Variants in BICC1 observed in about 807,000 individuals in gnomAD.
BICC1 encodes protein bicaudal C homolog 1.
In BICC1, 43 loss-of-function variants were observed where a neutral mutation model predicts 111.0. The ratio of observed to expected loss-of-function variants is 0.39; its 90% CI spans 0.30 to 0.50. The LOEUF (loss-of-function observed/expected upper bound fraction) is 0.50. Among genes scored for constraint, BICC1 ranks in the 20% least tolerant of loss-of-function variants. BICC1 has a pLI of 0.88. For missense variants in BICC1, 1,091 were observed against 1,203.2 expected, an observed-to-expected ratio of 0.91 and a Z score of 1.38; for synonymous variants, 467 against 434.4, an observed-to-expected ratio of 1.07 and a Z score of -0.93.
intron 1 of BICC1, among the ~76,000 whole-genome samples, chr10:58,585,732 A>G (rs573956083): frequency 2.0e-5 from 3 of 152,278 alleles, no homozygotes; most frequent in South Asian, 2.1e-4. Flanking sequence ...ATTATCTCAG[A>G]TATGGACTTG....
chr10:58,583,944 A>G (rs555370402), intron 1 of BICC1, among the ~76,000 whole-genome samples: 4 of 152,184 alleles, frequency 2.6e-5, no homozygotes, highest in African/African-American at 9.6e-5. Context: ...CTGGAATTAT[A>G]GGCATGAGCC....
At chr10:58,598,540 G>C (rs770363529) in intron 1 of BICC1, among the ~76,000 whole-genome samples, 4 of 152,072 alleles carry the variant, frequency 2.6e-5, no homozygotes, top group Non-Finnish European at 4.4e-5. Context: ...GTAAGACCTA[G>C]GACCATAAAA....
chr10:58,568,495 T>C (rs1449058209), intron 1 of BICC1, among the ~76,000 whole-genome samples: 1 of 152,184 alleles, frequency 6.6e-6, no homozygotes, highest in Non-Finnish European at 1.5e-5. Flanking sequence ...CAGTGGGTTA[T>C]CTGTTCACCT....
In BICC1 at chr10:58,580,042, T is replaced by C. The variant is rs543578011; in HGVS notation, c.191-40813T>C. On this transcript the variant is annotated intron_variant, in intron 1 of 20. Transcript: ENST00000373886. ...CCTCTTAGCAATTTTTTTTTTTTTT[T>C]CCAGACAGAATCTTGCCTGTCATCC... Among the ~76,000 whole-genome samples the C allele has an allele frequency of 2.8e-3, 408 of 143,434 alleles. 3 individuals carry two copies. The highest frequency in any genetic ancestry group is 8.1e-3 in the African/African-American group (319 of 39,604). 94.1% of individuals were successfully genotyped at this position (143,434 alleles called of 152,430 possible).
chr10:58,706,439 G>T (rs1840389359), intron 3 of BICC1, among the ~76,000 whole-genome samples: 1 of 152,178 alleles, frequency 6.6e-6, no homozygotes. Context: ...CTTAAACAAG[G>T]TAAACATTTT....
At chr10:58,652,259 T>C (rs1838472600) in intron 2 of BICC1, among the ~76,000 whole-genome samples, 1 of 152,124 alleles carries the variant, frequency 6.6e-6, no homozygotes. Flanking sequence ...AAAAGAAAAT[T>C]TACTATTATT....
At chr10:58,711,801 TTTTTTTG>T (rs1303637894) in intron 3 of BICC1, among the ~76,000 whole-genome samples, 43 of 28,386 alleles carry the variant, frequency 1.5e-3, no homozygotes, top group Admixed American at 3.6e-3. Context: ...TGGTAGTTTT[TTTTTTTG>T]TTTTTTTTTT....
intron 16 of BICC1, 69 bp downstream of exon 16, chr10:58,806,692 C>T: frequency 1.5e-6 from 2 of 1,310,440 alleles, no homozygotes; most frequent in East Asian, 2.3e-5. Context: ...TTTGAGTACT[C>T]ATGGTGAATC....
At chr10:58,579,796 G>T (rs1369428817) in intron 1 of BICC1, among the ~76,000 whole-genome samples, 1 of 152,146 alleles carries the variant, frequency 6.6e-6, no homozygotes, top group Non-Finnish European at 1.5e-5. Context: ...AGTATGATTA[G>T]AAAGGTAAGT....
chr10:58,814,439 T>C (rs1844019647), intron 18 of BICC1: 1 of 332,818 alleles, frequency 3.0e-6, no homozygotes, highest in African/African-American at 2.1e-5. Flanking sequence ...CATGAATGGG[T>C]AATGTACACA....
chr10:58,643,613 A>T (rs548200169), intron 2 of BICC1, among the ~76,000 whole-genome samples: 2 of 152,358 alleles, frequency 1.3e-5, no homozygotes, highest in African/African-American at 4.8e-5. Flanking sequence ...ACATTTAGTA[A>T]TACAGACTGA....
At chr10:58,687,558 C>T (rs1225938137) in intron 2 of BICC1, among the ~76,000 whole-genome samples, 2 of 152,180 alleles carry the variant, frequency 1.3e-5, no homozygotes, top group Non-Finnish European at 2.9e-5. Flanking sequence ...TGTACTCAAG[C>T]CTCAGCAATG....
At chr10:58,571,776 T>A (rs917618775) in intron 1 of BICC1, among the ~76,000 whole-genome samples, 2 of 152,292 alleles carry the variant, frequency 1.3e-5, no homozygotes, top group Admixed American at 1.3e-4. Flanking sequence ...TCTTTGCTAT[T>A]GTGAAAAATG....
intron 1 of BICC1, among the ~76,000 whole-genome samples, chr10:58,595,328 T>C (rs1355940133): frequency 6.6e-6 from 1 of 152,126 alleles, no homozygotes; most frequent in East Asian, 1.9e-4. Context: ...TTAACAAGGA[T>C]ATTCAGGACT....
intron 1 of BICC1, among the ~76,000 whole-genome samples, chr10:58,534,487 CAG>C (rs1206847303): frequency 6.6e-6 from 1 of 151,670 alleles, no homozygotes; most frequent in African/African-American, 2.4e-5. Flanking sequence ...GAAACTTATA[CAG>C]AGTCTTCACC....
At chr10:58,807,722 A>G (rs1333186210) in intron 17 of BICC1, among the ~76,000 whole-genome samples, 1 of 152,068 alleles carries the variant, frequency 6.6e-6, no homozygotes, top group South Asian at 2.1e-4. Flanking sequence ...TATGGAAGGG[A>G]TGGAGAGTTC....
chr10:58,736,261 T>A (rs1321072126), intron 3 of BICC1, among the ~76,000 whole-genome samples: 1 of 152,162 alleles, frequency 6.6e-6, no homozygotes, highest in Non-Finnish European at 1.5e-5. Flanking sequence ...CCACTGGAGA[T>A]GCAGTGGGAT....
intron 2 of BICC1, among the ~76,000 whole-genome samples, chr10:58,669,804 G>T (rs1053100041): frequency 3.9e-5 from 6 of 152,196 alleles, no homozygotes; most frequent in Admixed American, 2.0e-4. Context: ...AATTAACATG[G>T]TGTTAAAATA....
At chr10:58,761,063 G>C (rs562078859) in intron 3 of BICC1, among the ~76,000 whole-genome samples, 1 of 152,056 alleles carries the variant, frequency 6.6e-6, no homozygotes, top group Admixed American at 6.5e-5. Context: ...TCACCATGTT[G>C]GCCAGGCTGG....
Sources: allele counts gnomAD v4.1 joint callset (sites outside exome capture counted in the v4.1 genomes callset), GRCh38; gene constraint gnomAD v4.1.1; transcripts MANE v1.5; gene names NCBI Gene and HGNC (gene_info 2026-07-23, HGNC 2026-07-21).